The following CAMTA1 variants were observed in gnomAD, a reference collection of about 807,000 sequenced individuals.
The protein encoded by CAMTA1 is calmodulin-binding transcription activator 1.
A neutral mutation model predicts 170.9 loss-of-function variants in CAMTA1; 27 were observed. That is an observed-to-expected ratio of 0.16 (90% CI 0.12 to 0.22). The LOEUF is 0.22. CAMTA1 is among the 10% of genes least tolerant of loss of function. The probability of loss-of-function intolerance (pLI) is 1.00; values close to 1 mark genes in which losing one functional copy is unlikely to be tolerated. For synonymous variants in CAMTA1, 833 were observed against 891.5 expected (o/e 0.93, Z 1.17); for missense variants, 1,619 against 2,217.2 (o/e 0.73, Z 5.42).
chr1:6,848,160 A>AT (rs80341630), intron 3 of CAMTA1, among the ~76,000 whole-genome samples: 12,109 of 151,876 alleles, frequency 0.08, 729 homozygotes, highest in East Asian at 0.26. Flanking sequence ...ATTTTAACAG[A>AT]TTTTTTTGTT....
At chr1:7,128,223 A>G (rs886328951) in intron 4 of CAMTA1, among the ~76,000 whole-genome samples, 8 of 152,072 alleles carry the variant, frequency 5.3e-5, no homozygotes, top group Non-Finnish European at 1.5e-5. Flanking sequence ...TACCTCGCCC[A>G]TGTGCCCTTC....
At chr1:6,941,387 G>A (rs75799797) in intron 3 of CAMTA1, among the ~76,000 whole-genome samples, 72 of 152,260 alleles carry the variant, frequency 4.7e-4, no homozygotes, top group African/African-American at 1.4e-3. Context: ...TTCCGAATCC[G>A]AGTCCCTCAG....
rs757764692 is a variant in CAMTA1 at position 7,249,574 on chromosome 1, A to T, written c.386A>T (p.Asp129Val). The T allele has an allele frequency of 6.2e-7, 1 of 1,614,140 alleles. No individual in the cohort carries two copies. Among genetic ancestry groups the T allele is most frequent in the Non-Finnish European group, 8.5e-7 (1 of 1,180,004 alleles). ...GGGTATTGCTGGAAAAAGAGGAAAG[A>T]TGGGAAAACGACCAGAGAGGACCAC... The part of the protein sequence containing the change: ...KDGYCWKKRK[D>V]GKTTREDHMK... Residue 129 changes from aspartate to valine, a missense_variant, in exon 5 of 23, where the codon GAT becomes GTT. Asp to Val is a radical substitution (Grantham distance 152). Transcript: ENST00000303635. The surrounding 1 kb of genome is among the most constrained non-coding windows in gnomAD (Gnocchi z 4.4).
chr1:7,602,136 C>CTTCT (rs1557986678), intron 6 of CAMTA1, among the ~76,000 whole-genome samples: 1 of 140,066 alleles, frequency 7.1e-6, no homozygotes, highest in African/African-American at 3.0e-5. Context: ...TCCTTCCTTC[C>CTTCT]TTCCTTCCTC....
chr1:7,526,381 C>A (rs1379346078), intron 6 of CAMTA1, among the ~76,000 whole-genome samples: 2 of 152,148 alleles, frequency 1.3e-5, no homozygotes, highest in East Asian at 3.9e-4. Flanking sequence ...GGCTACTGCA[C>A]ACCCCTGCCC....
chr1:7,103,552 TACACACATACACACAACACAACTAC>T (rs1643057673), intron 4 of CAMTA1, among the ~76,000 whole-genome samples: 1 of 24,838 alleles, frequency 4.0e-5, no homozygotes. Context: ...ATGTACACAC[TACACACATACACACAACACAACTAC>T]ACACATGTAC....
rs1328745051 is a variant in CAMTA1, at chr1:7,534,251, T to C, written c.510+66350T>C. 6.6e-6 allele frequency among the ~76,000 whole-genome samples: 1 copy of C among 152,218 alleles called. No individual in the cohort carries two copies. The highest frequency in any genetic ancestry group is 1.5e-5 in the Non-Finnish European group (1 of 68,042). On this transcript the variant is annotated intron_variant, in intron 6 of 22. Coordinates refer to ENST00000303635, the MANE Select transcript of CAMTA1 (RefSeq NM_015215.4). The surrounding 1 kb of genome is among the most constrained non-coding windows in gnomAD (Gnocchi z 5.6). ...CTTTCCGTGAGAAACATCATAACGTTCAGCAGAGCCCAGGCTGGCTGGAGG... is the reference window on the plus strand; with the variant it reads ...CTTTCCGTGAGAAACATCATAACGTCCAGCAGAGCCCAGGCTGGCTGGAGG...
intron 6 of CAMTA1, among the ~76,000 whole-genome samples, chr1:7,587,722 C>T (rs765586638): frequency 6.6e-5 from 10 of 151,988 alleles, no homozygotes; most frequent in African/African-American, 9.7e-5. Flanking sequence ...TGGGCTCCCC[C>T]GAGCGCCCAG....
At chr1:7,242,968 T>C (rs1231847070) in intron 4 of CAMTA1, among the ~76,000 whole-genome samples, 1 of 151,418 alleles carries the variant, frequency 6.6e-6, no homozygotes, top group Non-Finnish European at 1.5e-5. Flanking sequence ...TCTCAAAAAA[T>C]AAAAAATAAA....
intron 22 of CAMTA1, among the ~76,000 whole-genome samples, chr1:7,764,049 T>C (rs2096997533): frequency 6.6e-6 from 1 of 152,126 alleles, no homozygotes; most frequent in Non-Finnish European, 1.5e-5. Flanking sequence ...CAAAGGGATG[T>C]TAGTATAGAT....
intron 3 of CAMTA1, among the ~76,000 whole-genome samples, chr1:6,930,295 C>T (rs977379637): frequency 3.9e-5 from 6 of 152,128 alleles, no homozygotes; most frequent in African/African-American, 1.4e-4. Flanking sequence ...GTACCATGTT[C>T]CCACCATTGT....
intron 5 of CAMTA1, among the ~76,000 whole-genome samples, chr1:7,457,785 C>T (rs754184104): frequency 2.0e-5 from 3 of 152,162 alleles, no homozygotes; most frequent in African/African-American, 7.2e-5. Flanking sequence ...CTTCCTGTTC[C>T]CCATTCGACG....
chr1:7,693,072 T>G (rs2995032), intron 11 of CAMTA1: 1 of 152,204 alleles, frequency 6.6e-6, no homozygotes, highest in South Asian at 2.1e-4. Flanking sequence ...CAAGTGTTAA[T>G]GTATCAGTCT....
At chr1:6,841,426 AC>A (rs1655651746) in intron 3 of CAMTA1, among the ~76,000 whole-genome samples, 1 of 152,180 alleles carries the variant, frequency 6.6e-6, no homozygotes, top group Non-Finnish European at 1.5e-5. Context: ...TAAAATGAGG[AC>A]GGAGAAGTCA....
At chr1:7,669,303 C>T (rs1297362160) in intron 9 of CAMTA1, among the ~76,000 whole-genome samples, 1 of 152,244 alleles carries the variant, frequency 6.6e-6, no homozygotes, top group Non-Finnish European at 1.5e-5. Flanking sequence ...GTCTCTTTTC[C>T]TGGCTGGGCA....
At position 7,634,110 on chromosome 1, in the gene CAMTA1, C is replaced by T. The variant is rs1576504769; in HGVS notation, c.511-6290C>T. Reference sequence around the variant, plus strand: ...AAGGAGCCGTCCGGAACAGCCCAACCACGCCTGCTGCTGTTTGAAGGGTGG... The same window carrying T: ...AAGGAGCCGTCCGGAACAGCCCAACTACGCCTGCTGCTGTTTGAAGGGTGG... On this transcript the variant is annotated intron_variant, in intron 6 of 22. Transcript: ENST00000303635. This position sits in a 1 kb window ranked among gnomAD's most constrained non-coding sequence, Gnocchi z 6.2. 1.3e-5 allele frequency among the ~76,000 whole-genome samples: 2 copies of T among 152,286 alleles called. No individual in the cohort carries two copies. The highest frequency in any genetic ancestry group is 6.8e-3 in the Middle Eastern group (2 of 294).
In CAMTA1 at chr1:7,419,944, C is replaced by G. The variant is rs945520343; in HGVS notation, c.439-47886C>G. On this transcript the variant is annotated intron_variant, in intron 5 of 22. Coordinates refer to ENST00000303635, the MANE Select transcript of CAMTA1 (RefSeq NM_015215.4). ...TGCCACGCTGGACCACTCCACCATC[C>G]CGCCCTCCATCCTGATCATCATAAC... 2.0e-5 allele frequency among the ~76,000 whole-genome samples: 3 copies of G among 152,284 alleles called. No individual in the cohort carries two copies. The South Asian group carries it at 6.2e-4, about 32-fold the overall frequency.
intron 6 of CAMTA1, among the ~76,000 whole-genome samples, chr1:7,525,197 C>A (rs939063310): frequency 5.3e-5 from 8 of 152,080 alleles, no homozygotes; most frequent in Non-Finnish European, 1.2e-4. Flanking sequence ...AATGTGTATC[C>A]CAGACAGCCC....
intron 3 of CAMTA1, among the ~76,000 whole-genome samples, chr1:6,919,056 C>T (rs983952587): frequency 6.6e-6 from 1 of 152,162 alleles, no homozygotes; most frequent in African/African-American, 2.4e-5. Context: ...GTTTTGTGAC[C>T]TGAAAACACT....
Sources: allele counts gnomAD v4.1 joint callset (sites outside exome capture counted in the v4.1 genomes callset), GRCh38; gene constraint gnomAD v4.1.1; non-coding constraint Gnocchi (gnomAD v3.1); transcripts MANE v1.5; gene names NCBI Gene and HGNC (gene_info 2026-07-23, HGNC 2026-07-21).